PTPRF: variants seen among roughly 807,000 people sequenced by gnomAD.
PTPRF encodes the protein receptor-type tyrosine-protein phosphatase F.
PTPRF carries 59 observed loss-of-function variants against 201.8 expected under a neutral mutation model. The observed-to-expected ratio is 0.29, with a 90% CI of 0.24 to 0.36. The LOEUF (loss-of-function observed/expected upper bound fraction) is 0.36, where lower values mean the gene tolerates loss of function less well. Among genes scored for constraint, PTPRF ranks in the 10% least tolerant of loss-of-function variants. The pLI is 1.00. For missense variants in PTPRF, 2,132 were observed against 2,690.5 expected, an observed-to-expected ratio of 0.79 and a Z score of 4.59; for synonymous variants, 1,088 against 1,089.7, an observed-to-expected ratio of 1.00 and a Z score of 0.03.
In PTPRF at chr1:43,614,487, G is replaced by A. The variant is rs374324311; in HGVS notation, c.4071+772G>A. ...GGGTTTCCCACCCACAGATGGTGTC[G>A]GGGTGACTCTGAGCATCCCCAGGCT... On this transcript the variant is annotated intron_variant, in intron 23 of 33. Transcript: ENST00000359947. 2.5e-4 allele frequency among the ~76,000 whole-genome samples: 38 copies of A among 152,286 alleles called. No homozygotes were observed. The East Asian group carries it at 6.0e-3, about 24-fold the overall frequency.
At chr1:43,548,991 T>C (rs913917115) in intron 3 of PTPRF, among the ~76,000 whole-genome samples, 8 of 152,212 alleles carry the variant, frequency 5.3e-5, no homozygotes, top group African/African-American at 1.9e-4. Context: ...CCAGTTCCAC[T>C]TACTCCTTTC....
At chr1:43,541,226 A>T (rs1322531847) in intron 2 of PTPRF, among the ~76,000 whole-genome samples, 1 of 152,226 alleles carries the variant, frequency 6.6e-6, no homozygotes. Context: ...TTTGGAGACT[A>T]ATTAATATTT....
chr1:43,529,988 A>G (rs1182517607), upstream of PTPRF, among the ~76,000 whole-genome samples: 1 of 151,994 alleles, frequency 6.6e-6, no homozygotes, highest in Non-Finnish European at 1.5e-5. Context: ...TGGGGTTGAC[A>G]CTAGGTCAGA....
chr1:43,523,165 G>C (rs912014113), upstream of PTPRF, among the ~76,000 whole-genome samples: 2 of 152,194 alleles, frequency 1.3e-5, no homozygotes, highest in African/African-American at 4.8e-5. Flanking sequence ...ACTCGAGAAA[G>C]GAATCAGGGA....
At chr1:43,583,723 G>A (rs868667860) in intron 7 of PTPRF, among the ~76,000 whole-genome samples, 3 of 152,246 alleles carry the variant, frequency 2.0e-5, no homozygotes, top group Non-Finnish European at 2.9e-5. Flanking sequence ...CCATGGCGCA[G>A]GGTGAGTAGC....
Position 43,617,582 on chromosome 1 carries a change from G to C in PTPRF, c.4195+14G>C. On this transcript the variant is annotated intron_variant, in intron 24 of 33. Transcript: ENST00000359947. ...CCTCTATCGATGGTGAGCCAAGGGGGTGCCCCTCCCATCCCCTTGCTCTCC... is the reference window on the plus strand; with the variant it reads ...CCTCTATCGATGGTGAGCCAAGGGGCTGCCCCTCCCATCCCCTTGCTCTCC... The C allele has an allele frequency of 6.2e-7, 1 of 1,613,630 alleles. No homozygotes were observed. Among genetic ancestry groups the C allele is most frequent in the Non-Finnish European group, 8.5e-7 (1 of 1,179,884 alleles).
At position 43,546,865 on chromosome 1, in the gene PTPRF, G is replaced by GCT. The variant is rs1644709654; in HGVS notation, c.91+1701_91+1702dup. Among the ~76,000 whole-genome samples, 1 of 152,220 alleles carries GCT rather than the reference G, an allele frequency of 6.6e-6. No individual in the cohort carries two copies. Among genetic ancestry groups the GCT allele is most frequent in the Admixed American group, 6.5e-5 (1 of 15,294 alleles). On this transcript the variant is annotated intron_variant, in intron 3 of 33. Coordinates refer to ENST00000359947, the MANE Select transcript of PTPRF (RefSeq NM_002840.5). The surrounding 1 kb of genome is among the most constrained non-coding windows in gnomAD (Gnocchi z 4.2). The stretch of plus-strand genomic sequence containing the variant: ...TATCCCACATCTAATCCATCACCAA[G>GCT]CTCCGTTGCTTCTACCTTCTGAATA...
intron 7 of PTPRF, 43 bp downstream of exon 7, chr1:43,578,963 G>A: frequency 6.3e-7 from 1 of 1,578,264 alleles, no homozygotes; most frequent in Non-Finnish European, 8.7e-7. Flanking sequence ...CCACAGAGCT[G>A]TGCTGCACCT....
At chr1:43,536,748 G>C (rs887226387) in intron 1 of PTPRF, among the ~76,000 whole-genome samples, 1 of 152,216 alleles carries the variant, frequency 6.6e-6, no homozygotes, top group Non-Finnish European at 1.5e-5. Context: ...TGGAAACTCA[G>C]CTTGGGGAGC....
At position 43,591,396 on chromosome 1, in the gene PTPRF, C is replaced by T; in HGVS notation, c.1374C>T (p.Pro458=). The change falls in exon 9 of 34, where the codon CCC becomes CCT. Residue 458 remains proline (P), a synonymous_variant. Transcript: ENST00000359947. ...RVYYTPDSRR[P]PNAWHKHNTD... ...ACTATACTCCGGACTCCCGCCGCCC[C>T]CCGAACGCCTGGCACAAGCACAACA... is the stretch of plus-strand genomic sequence containing the variant. 6.4e-7 allele frequency: 1 copy of T among 1,564,808 alleles called. No homozygotes were observed.
intron 3 of PTPRF, among the ~76,000 whole-genome samples, chr1:43,550,939 A>T (rs186418680): frequency 6.0e-4 from 91 of 152,358 alleles, no homozygotes; most frequent in African/African-American, 2.1e-3. Context: ...TGCAGGGAAC[A>T]TGACGTTGCT....
At chr1:43,604,718 G>A (rs994914505) in intron 16 of PTPRF, among the ~76,000 whole-genome samples, 185 bp from the exon 17 acceptor site, 10 of 152,176 alleles carry the variant, frequency 6.6e-5, no homozygotes, top group Non-Finnish European at 1.5e-4. Context: ...GGAAGAGCTT[G>A]GGCTGGGAGT....
chr1:43,576,150 C>T (rs996433515), intron 6 of PTPRF, among the ~76,000 whole-genome samples: 2 of 152,204 alleles, frequency 1.3e-5, no homozygotes, highest in South Asian at 2.1e-4. Context: ...TGAAGATACT[C>T]GCCGGGCCCC....
chr1:43,599,158 G>C (rs1261491751), intron 13 of PTPRF, among the ~76,000 whole-genome samples: 1 of 152,064 alleles, frequency 6.6e-6, no homozygotes, highest in Non-Finnish European at 1.5e-5. Context: ...GCCTAGGCTG[G>C]AGTGCCTCCT....
intron 10 of PTPRF, 140 bp downstream of exon 10, chr1:43,592,088 T>G: frequency 3.3e-6 from 4 of 1,225,120 alleles, no homozygotes; most frequent in Non-Finnish European, 4.6e-6. Context: ...GGCTTAGTGG[T>G]GCATGCGTGT....
intron 19 of PTPRF, among the ~76,000 whole-genome samples, chr1:43,605,945 T>C (rs1654996805): frequency 1.3e-5 from 2 of 152,230 alleles, no homozygotes; most frequent in African/African-American, 2.4e-5. Flanking sequence ...GTGAGCCTTA[T>C]AGCCAGGAGT....
intron 5 of PTPRF, among the ~76,000 whole-genome samples, chr1:43,555,532 G>C (rs1364623631): frequency 6.9e-6 from 1 of 144,630 alleles, no homozygotes; most frequent in East Asian, 2.0e-4. Flanking sequence ...TGCAGCCTCT[G>C]CCTCCTGGGT....
intron 10 of PTPRF, among the ~76,000 whole-genome samples, 154 bp downstream of exon 10, chr1:43,592,102 G>T (rs1650931656): frequency 6.6e-6 from 1 of 152,174 alleles, no homozygotes; most frequent in African/African-American, 2.4e-5. Context: ...TGCGTGTCAT[G>T]TGGCCCGCAC....
intron 1 of PTPRF, among the ~76,000 whole-genome samples, chr1:43,532,980 G>A (rs1041635085): frequency 5.3e-5 from 8 of 152,126 alleles, no homozygotes; most frequent in African/African-American, 1.2e-4. Context: ...GCACACTCTC[G>A]CAGCATACCT....
Sources: allele counts gnomAD v4.1 joint callset (sites outside exome capture counted in the v4.1 genomes callset), GRCh38; gene constraint gnomAD v4.1.1; non-coding constraint Gnocchi (gnomAD v3.1); transcripts MANE v1.5; gene names NCBI Gene and HGNC (gene_info 2026-07-23, HGNC 2026-07-21).